Variants in POF1B observed in about 807,000 individuals in gnomAD.
POF1B encodes protein POF1B.
A neutral mutation model predicts 55.3 loss-of-function variants in POF1B; 53 were observed. The observed-to-expected ratio is 0.96, with a 90% CI of 0.77 to 1.20. The LOEUF (loss-of-function observed/expected upper bound fraction) is 1.20. POF1B is among the 50% of genes most tolerant of loss of function. The pLI, the probability that POF1B is intolerant of heterozygous loss-of-function variation, is 0.00. For synonymous variants in POF1B, 188 were observed against 148.3 expected (o/e 1.27, Z -1.95); for missense variants, 478 against 420.5 (o/e 1.14, Z -1.20).
At chrX:85,371,702 A>C in intron 2 of POF1B, among the ~76,000 whole-genome samples, 1 of 111,855 alleles carries the variant, frequency 8.9e-6, no homozygotes, top group Non-Finnish European at 1.9e-5. Flanking sequence ...GACTTTTAAA[A>C]TTATTCAGTG....
At chrX:85,330,027 A>G (rs1374440853) in intron 7 of POF1B, among the ~76,000 whole-genome samples, 1 of 109,960 alleles carries the variant, frequency 9.1e-6, no homozygotes, top group Non-Finnish European at 1.9e-5. Context: ...AAAAGTCTGA[A>G]TTAGAAAATA....
intron 3 of POF1B, 53 bp from the exon 4 acceptor site, chrX:85,359,683 G>A: frequency 2.3e-6 from 2 of 864,915 alleles, no homozygotes; most frequent in Non-Finnish European, 3.3e-6. Context: ...AATGAGCTTG[G>A]AGCTATCAAT....
chrX:85,340,805 A>G (rs1279347757), intron 6 of POF1B, among the ~76,000 whole-genome samples: 2 of 110,774 alleles, frequency 1.8e-5, no homozygotes, highest in Non-Finnish European at 3.8e-5. Flanking sequence ...GAGAGTAGAA[A>G]GCTGATAAGG....
intron 15 of POF1B, among the ~76,000 whole-genome samples, chrX:85,288,270 G>A (rs1195861803): frequency 9.0e-6 from 1 of 111,045 alleles, no homozygotes; most frequent in Non-Finnish European, 1.9e-5. Context: ...GGGCAAGAGT[G>A]GTTGAGAAGT....
chrX:85,323,117 A>G (rs1297261012), intron 7 of POF1B, among the ~76,000 whole-genome samples: 1 of 111,335 alleles, frequency 9.0e-6, no homozygotes, highest in Non-Finnish European at 1.9e-5. Context: ...AGGACTATAA[A>G]TCATGCTGCT....
chrX:85,329,645 A>T (rs12861089), intron 7 of POF1B, among the ~76,000 whole-genome samples: 22,349 of 94,679 alleles, frequency 0.24, 1,963 homozygotes, highest in African/African-American at 0.26. Context: ...TTTTTTTTTT[A>T]AAAAAAGAGA....
At chrX:85,353,916 T>C (rs888716678) in intron 4 of POF1B, among the ~76,000 whole-genome samples, 3 of 111,571 alleles carry the variant, frequency 2.7e-5, no homozygotes, top group African/African-American at 9.7e-5. Flanking sequence ...GGTAAAAATG[T>C]TTCAGAGTGC....
chrX:85,331,377 C>T (rs1932976508), intron 6 of POF1B, among the ~76,000 whole-genome samples: 2 of 111,214 alleles, frequency 1.8e-5, no homozygotes, highest in Non-Finnish European at 3.8e-5. Context: ...AATTAAATCA[C>T]ATGGCTTATT....
intron 2 of POF1B, among the ~76,000 whole-genome samples, chrX:85,374,075 A>G (rs771589972): frequency 2.7e-5 from 3 of 111,272 alleles, no homozygotes; most frequent in Non-Finnish European, 5.7e-5. Flanking sequence ...GAGGAGTGAT[A>G]TGGGATGTGT....
intron 7 of POF1B, among the ~76,000 whole-genome samples, chrX:85,320,484 A>G (rs1226265321): frequency 9.0e-6 from 1 of 111,472 alleles, no homozygotes; most frequent in Non-Finnish European, 1.9e-5. Flanking sequence ...CCACAAGAGA[A>G]AGCAGGAAAG....
chrX:85,328,889 T>C lies in POF1B; in HGVS notation c.854+2060A>G, dbSNP rs373437536. Reference sequence around the variant, plus strand: ...AAAAAACTGTGACATGAACCCAGGATATGAACTCTGGATCTAGAATAAGGG... The same window carrying C: ...AAAAAACTGTGACATGAACCCAGGACATGAACTCTGGATCTAGAATAAGGG... On this transcript the variant is annotated intron_variant, in intron 7 of 16. Coordinates refer to ENST00000262753, the MANE Select transcript of POF1B (RefSeq NM_024921.4). Among the ~76,000 whole-genome samples the C allele has an allele frequency of 1.4e-4, 15 of 108,892 alleles. No individual in the cohort carries two copies. In the East Asian group the frequency reaches 3.5e-3, roughly 25 times the overall value. The allele number at this position is 108,892 out of a possible 115,157, so 94.6% of individuals were successfully genotyped here. A position where few individuals can be genotyped will look rare whatever the true frequency, so the allele number is the denominator to read the frequency against.
intron 6 of POF1B, among the ~76,000 whole-genome samples, chrX:85,335,232 A>C (rs1933048408): frequency 8.9e-6 from 1 of 111,802 alleles, no homozygotes; most frequent in Non-Finnish European, 1.9e-5. Flanking sequence ...TTAAGTAATA[A>C]GATCTGCTGT....
In POF1B at chrX:85,351,564, G is replaced by A. The variant is rs1458525670; in HGVS notation, c.439-113C>T. ...GCTCTGAAGTACTGGCTGACCTTAG[G>A]AAGAGAGAGGAATGACATCCCAATA... On this transcript the variant is annotated intron_variant, in intron 4 of 16. Coordinates refer to ENST00000262753, the MANE Select transcript of POF1B (RefSeq NM_024921.4). 2.5e-5 allele frequency: 12 copies of A among 471,272 alleles called. No individual in the cohort carries two copies. In the East Asian group the frequency reaches 4.0e-4, roughly 16 times the overall value. 38.8% of individuals were successfully genotyped at this position (471,272 alleles called of 1,213,427 possible).
chrX:85,326,753 A>G (rs1027620272), intron 7 of POF1B, among the ~76,000 whole-genome samples: 4 of 108,526 alleles, frequency 3.7e-5, no homozygotes, highest in Admixed American at 2.0e-4. Context: ...TGTGGGGAGG[A>G]CACGGGCAGA....
chrX:85,295,058 G>T (rs1932280020), intron 15 of POF1B, among the ~76,000 whole-genome samples: 1 of 111,271 alleles, frequency 9.0e-6, no homozygotes, highest in Non-Finnish European at 1.9e-5. Flanking sequence ...CTGTGGGATT[G>T]GTTGTAAAGC....
intron 15 of POF1B, among the ~76,000 whole-genome samples, chrX:85,289,047 G>T (rs1932122058): frequency 9.0e-6 from 1 of 111,216 alleles, no homozygotes; most frequent in East Asian, 2.9e-4. Flanking sequence ...GAGGAGGCTG[G>T]AGGCTCTAGA....
chrX:85,341,222 C>T (rs1159955379), intron 6 of POF1B, among the ~76,000 whole-genome samples: 1 of 110,612 alleles, frequency 9.0e-6, no homozygotes, highest in Non-Finnish European at 1.9e-5. Context: ...TGCCATTTAG[C>T]TTTATATATA....
chrX:85,287,337 C>T (rs111625792), intron 15 of POF1B, among the ~76,000 whole-genome samples: 1 of 111,108 alleles, frequency 9.0e-6, no homozygotes, highest in Non-Finnish European at 1.9e-5. Context: ...CTAAAATTGA[C>T]ACAACTCTAG....
chrX:85,364,928 C>T (rs1034159117), intron 3 of POF1B, among the ~76,000 whole-genome samples: 3 of 111,972 alleles, frequency 2.7e-5, no homozygotes, highest in Non-Finnish European at 5.6e-5. Flanking sequence ...CCATATTCCT[C>T]AGAGATTTTG....
Sources: allele counts gnomAD v4.1 joint callset (sites outside exome capture counted in the v4.1 genomes callset), GRCh38; gene constraint gnomAD v4.1.1; transcripts MANE v1.5; gene names NCBI Gene and HGNC (gene_info 2026-07-23, HGNC 2026-07-21).